The following KLF12 variants were observed in gnomAD, a reference collection of about 807,000 sequenced individuals.
The protein encoded by KLF12 is Krueppel-like factor 12.
A neutral mutation model predicts 37.8 loss-of-function variants in KLF12; 9 were observed. The ratio of observed to expected loss-of-function variants is 0.24; its 90% CI spans 0.14 to 0.42. KLF12 has a LOEUF of 0.42. Among genes scored for constraint, KLF12 ranks in the 10% least tolerant of loss-of-function variants. The pLI is 1.00. For missense variants in KLF12, 411 were observed against 516.0 expected, an observed-to-expected ratio of 0.80 and a Z score of 1.97; for synonymous variants, 208 against 202.1, an observed-to-expected ratio of 1.03 and a Z score of -0.25.
chr13:73,724,858 A>G (rs528320867), intron 6 of KLF12, among the ~76,000 whole-genome samples: 52 of 152,312 alleles, frequency 3.4e-4, no homozygotes, highest in Non-Finnish European at 5.1e-4. Context: ...CCGCTTTCCA[A>G]TGATGTTGTA....
At chr13:73,820,273 C>A (rs1335126293) in intron 4 of KLF12, among the ~76,000 whole-genome samples, 1 of 152,160 alleles carries the variant, frequency 6.6e-6, no homozygotes, top group Non-Finnish European at 1.5e-5. Context: ...TGGCTGCACA[C>A]AGAATCAGTT....
At chr13:74,260,215 T>C in the KLF12 span, among the ~76,000 whole-genome samples, 1 of 152,084 alleles carries the variant, frequency 6.6e-6, no homozygotes, top group African/African-American at 2.4e-5. Flanking sequence ...ACTTGGACCA[T>C]TGGAGCATGC....
chr13:73,799,543 CT>C, intron 5 of KLF12, among the ~76,000 whole-genome samples: 1 of 152,172 alleles, frequency 6.6e-6, no homozygotes, highest in Non-Finnish European at 1.5e-5. Context: ...TGGCTACTCT[CT>C]CATTATAAAA....
intron 3 of KLF12, among the ~76,000 whole-genome samples, chr13:73,907,396 A>G (rs548310011): frequency 8.5e-5 from 13 of 152,174 alleles, no homozygotes; most frequent in African/African-American, 3.1e-4. Context: ...AGACTATCCT[A>G]TCCTCTTTGC....
chr13:73,721,202 C>T (rs1252272285), intron 6 of KLF12, among the ~76,000 whole-genome samples: 1 of 152,192 alleles, frequency 6.6e-6, no homozygotes, highest in Non-Finnish European at 1.5e-5. Context: ...AGGCCAAGGC[C>T]AAGACAAAGT....
At chr13:73,755,935 T>C (rs946517826) in intron 6 of KLF12, among the ~76,000 whole-genome samples, 1 of 152,174 alleles carries the variant, frequency 6.6e-6, no homozygotes, top group South Asian at 2.1e-4. Flanking sequence ...ATTGTTTCAT[T>C]CCTTTTTATG....
intron 1 of KLF12, among the ~76,000 whole-genome samples, chr13:74,007,158 G>C (rs769897222): frequency 6.6e-6 from 1 of 151,594 alleles, no homozygotes; most frequent in Non-Finnish European, 1.5e-5. Context: ...ATTAACCTTA[G>C]AATTTGTAAA....
At chr13:73,980,318 A>G (rs1292166047) in intron 2 of KLF12, among the ~76,000 whole-genome samples, 1 of 152,252 alleles carries the variant, frequency 6.6e-6, no homozygotes, top group African/African-American at 2.4e-5. Flanking sequence ...AGAGTAGATA[A>G]TTGTTTATGC....
Position 73,957,015 on chromosome 13 carries a change from A to AGAAAG in KLF12, c.34-12950_34-12946dup, listed in dbSNP as rs71115626. Among the ~76,000 whole-genome samples the AGAAAG allele has an allele frequency of 7.0e-3, 614 of 87,312 alleles. 13 individuals are homozygous for AGAAAG. The highest frequency in any genetic ancestry group is 0.012 in the Admixed American group (87 of 7,270). 57.3% of individuals were successfully genotyped at this position (87,312 alleles called of 152,430 possible). Reference sequence around the variant, plus strand: ...GGGAAAGGAGGGAAAGGAAAGGAAAAGAAAGGAAAGGAAAGGAAAGGAAAG... The same window carrying AGAAAG: ...GGGAAAGGAGGGAAAGGAAAGGAAAAGAAAGGAAAGGAAAGGAAAGGAAAGGAAAG... On this transcript the variant is annotated intron_variant, in intron 2 of 7. Transcript: ENST00000377669.
intron 7 of KLF12, among the ~76,000 whole-genome samples, chr13:73,708,821 A>C (rs1225778691): frequency 6.6e-6 from 1 of 152,224 alleles, no homozygotes; most frequent in Non-Finnish European, 1.5e-5. Context: ...TGACCATATT[A>C]ATTTAAATGG....
At chr13:73,953,220 G>C (rs1017622229) in intron 2 of KLF12, among the ~76,000 whole-genome samples, 6 of 151,966 alleles carry the variant, frequency 3.9e-5, no homozygotes, top group Non-Finnish European at 8.8e-5. Flanking sequence ...GTTACACAGA[G>C]GGAAAGATTT....
chr13:73,822,106 C>T (rs991342070), intron 4 of KLF12, among the ~76,000 whole-genome samples: 4 of 152,084 alleles, frequency 2.6e-5, no homozygotes, highest in Non-Finnish European at 5.9e-5. Flanking sequence ...ACAGTAATTC[C>T]CAGCTGATGA....
chr13:73,840,263 T>G (rs1159974368), intron 4 of KLF12, among the ~76,000 whole-genome samples: 1 of 152,210 alleles, frequency 6.6e-6, no homozygotes, highest in East Asian at 1.9e-4. Flanking sequence ...GTTTCCATGC[T>G]GACTCTTGCA....
chr13:73,920,276 T>C (rs1437994059), intron 3 of KLF12, among the ~76,000 whole-genome samples: 2 of 152,168 alleles, frequency 1.3e-5, no homozygotes, highest in African/African-American at 4.8e-5. Flanking sequence ...AACATACACA[T>C]ATGTATAACT....
chr13:74,184,108 C>T, the KLF12 span, among the ~76,000 whole-genome samples: 2 of 152,158 alleles, frequency 1.3e-5, no homozygotes, highest in African/African-American at 4.8e-5. Context: ...CCTCCTGAAT[C>T]AGAATCTACA....
chr13:74,293,392 G>A, the KLF12 span, among the ~76,000 whole-genome samples: 1 of 151,908 alleles, frequency 6.6e-6, no homozygotes, highest in Non-Finnish European at 1.5e-5. Flanking sequence ...TACAATCGAG[G>A]GACTGAAAAA....
At chr13:73,822,514 G>A (rs917110873) in intron 4 of KLF12, among the ~76,000 whole-genome samples, 2 of 152,130 alleles carry the variant, frequency 1.3e-5, no homozygotes, top group Non-Finnish European at 2.9e-5. Flanking sequence ...AGGATCATTT[G>A]AGCCTAGGAA....
chr13:73,773,682 C>T (rs928295951), intron 5 of KLF12, among the ~76,000 whole-genome samples: 3 of 152,150 alleles, frequency 2.0e-5, no homozygotes, highest in Admixed American at 6.6e-5. Flanking sequence ...TATTTTTCAG[C>T]TCCACTGTCC....
chr13:73,799,415 G>C (rs923867491), intron 5 of KLF12, among the ~76,000 whole-genome samples: 1 of 151,722 alleles, frequency 6.6e-6, no homozygotes, highest in African/African-American at 2.4e-5. Flanking sequence ...AAAATAAAAA[G>C]AAATGAAAAA....
Sources: gnomAD v4.1 joint callset for allele counts (sites outside exome capture counted in the v4.1 genomes callset) on GRCh38, gnomAD v4.1.1 for gene constraint, MANE v1.5 for transcripts, NCBI Gene and HGNC (gene_info 2026-07-23, HGNC 2026-07-21) for gene names.